The following SF3B1 variants were observed in gnomAD, a reference collection of about 807,000 sequenced individuals.
SF3B1 encodes splicing factor 3b subunit 1.
SF3B1 carries 12 observed loss-of-function variants against 153.8 expected under a neutral mutation model. That is an observed-to-expected ratio of 0.08 (90% CI 0.05 to 0.13). The LOEUF (loss-of-function observed/expected upper bound fraction) is 0.13, where lower values mean the gene tolerates loss of function less well. Ranked by LOEUF, SF3B1 falls within the 10% of genes least tolerant of loss-of-function variation. The pLI is 1.00. For synonymous variants in SF3B1, 498 were observed against 525.2 expected (o/e 0.95, Z 0.71); for missense variants, 513 against 1,606.1 (o/e 0.32, Z 11.63).
rs1178469879 is a variant in SF3B1, at chr2:197,402,537, A to G, written c.2077+19T>C. 5.0e-6 allele frequency: 8 copies of G among 1,600,500 alleles called. No individual in the cohort carries two copies. The highest frequency in any genetic ancestry group is 6.8e-6 in the Non-Finnish European group (8 of 1,173,176). On this transcript the variant is annotated intron_variant, in intron 14 of 24. Coordinates refer to ENST00000335508, the MANE Select transcript of SF3B1 (RefSeq NM_012433.4). This position sits in a 1 kb window ranked among gnomAD's most constrained non-coding sequence, Gnocchi z 4.6. ...TCCTAAAGAAAAAAAAAAAAAGACA[A>G]AGTTACATTACAACTTACCATGTTC...
At chr2:197,423,368 T>TA (rs2085279486) in intron 2 of SF3B1, among the ~76,000 whole-genome samples, 3 of 129,058 alleles carry the variant, frequency 2.3e-5, no homozygotes, top group Admixed American at 8.2e-5. Context: ...TGAGACTGTC[T>TA]CAAAAAAAAA....
At chr2:197,416,668 C>T in intron 6 of SF3B1, 73 bp downstream of exon 6, 1 of 1,331,932 alleles carries the variant, frequency 7.5e-7, no homozygotes, top group Admixed American at 2.3e-5. Context: ...CTATGGCAAC[C>T]CAAGCAGACT....
In SF3B1 at chr2:197,401,697, C is replaced by A. The variant is rs1413037025; in HGVS notation, c.2370+45G>T. Reference sequence around the variant, plus strand: ...AAAACACTTTAAAATTCTGTTAGAACCATGAAACATATCCAGTTTACATTA... The same window carrying A: ...AAAACACTTTAAAATTCTGTTAGAAACATGAAACATATCCAGTTTACATTA... On this transcript the variant is annotated intron_variant, in intron 16 of 24. Transcript: ENST00000335508. This position sits in a 1 kb window ranked among gnomAD's most constrained non-coding sequence, Gnocchi z 4.2. 6.4e-7 allele frequency: 1 copy of A among 1,569,178 alleles called. No homozygotes were observed. The highest frequency in any genetic ancestry group is 8.7e-7 in the Non-Finnish European group (1 of 1,153,118).
At chr2:197,421,162 A>T in intron 2 of SF3B1, 29 bp from the exon 3 acceptor site, 1 of 1,427,242 alleles carries the variant, frequency 7.0e-7, no homozygotes, top group Non-Finnish European at 9.8e-7. Flanking sequence ...AAAAAGCCAT[A>T]AACAAAATGT....
intron 7 of SF3B1, chr2:197,408,817 G>T: frequency 2.0e-6 from 1 of 493,762 alleles, no homozygotes; most frequent in South Asian, 2.2e-5. Context: ...CAGCTACTCA[G>T]GAGGCTGAAG....
At chr2:197,432,642 G>A (rs547562790) in intron 1 of SF3B1, among the ~76,000 whole-genome samples, 103 of 152,272 alleles carry the variant, frequency 6.8e-4, no homozygotes, top group Non-Finnish European at 1.3e-3. Flanking sequence ...GGCCAAGGTG[G>A]GAGGATCACT....
Position 197,398,597 on chromosome 2 carries a change from C to A in SF3B1, c.3014-16G>T. The A allele has an allele frequency of 6.2e-7, 1 of 1,607,202 alleles. No individual in the cohort carries two copies. Among genetic ancestry groups the A allele is most frequent in the South Asian group, 1.1e-5 (1 of 90,250 alleles). ...TTATGCATACCTATTTAATAGAAGT[C>A]AATAAACTATCAACATTTGAATTGC... On this transcript the variant is annotated splice_polypyrimidine_tract_variant and intron_variant, in intron 20 of 24. Coordinates refer to ENST00000335508, the MANE Select transcript of SF3B1 (RefSeq NM_012433.4).
chr2:197,402,418 T>C lies in SF3B1; in HGVS notation c.2077+138A>G. On this transcript the variant is annotated intron_variant, in intron 14 of 24. Coordinates refer to ENST00000335508, the MANE Select transcript of SF3B1 (RefSeq NM_012433.4). This position sits in a 1 kb window ranked among gnomAD's most constrained non-coding sequence, Gnocchi z 4.6. ...ATTAAACATGGACAGGCTGTGTGTGTACCTCTAGTCCCAACTACTAAGGAG... is the reference window on the plus strand; with the variant it reads ...ATTAAACATGGACAGGCTGTGTGTGCACCTCTAGTCCCAACTACTAAGGAG... 1 of 772,360 alleles carries C rather than the reference T, an allele frequency of 1.3e-6. No homozygotes were observed. The highest frequency in any genetic ancestry group is 2.0e-6 in the Non-Finnish European group (1 of 492,034). 47.8% of individuals were successfully genotyped at this position (772,360 alleles called of 1,614,324 possible). A position where few individuals can be genotyped will look rare whatever the true frequency, so the allele number is the denominator to read the frequency against.
At position 197,398,592 on chromosome 2, in the gene SF3B1, GA is replaced by G. The variant is rs1559264485; in HGVS notation, c.3014-12del. The G allele has an allele frequency of 6.2e-7, 1 of 1,609,336 alleles. No individual in the cohort carries two copies. On this transcript the variant is annotated splice_polypyrimidine_tract_variant and intron_variant, in intron 20 of 24. Transcript: ENST00000335508. ...TCATCTTATGCATACCTATTTAATA[GA>G]AGTCAATAAACTATCAACATTTGAA...
chr2:197,396,420 T>A (rs1467805674), intron 22 of SF3B1, 92 bp from the exon 23 acceptor site: 1 of 1,058,340 alleles, frequency 9.4e-7, no homozygotes, highest in Non-Finnish European at 1.4e-6. Context: ...CTTTTAAGTA[T>A]TAATAATTAC....
Position 197,408,659 on chromosome 2 carries a change from C to T in SF3B1, c.905-78G>A. ...TATTCTTTATTCTCAAACAGTTATA[C>T]TCAAAACTATCAAGTTCTAAAATAG... On this transcript the variant is annotated intron_variant, in intron 7 of 24. Transcript: ENST00000335508. 5 of 996,228 alleles carry T rather than the reference C, an allele frequency of 5.0e-6. No homozygotes were observed. In the South Asian group the frequency reaches 5.5e-5, roughly 11 times the overall value. 61.7% of individuals were successfully genotyped at this position (996,228 alleles called of 1,614,324 possible). A position where few individuals can be genotyped will look rare whatever the true frequency, so the allele number is the denominator to read the frequency against.
At chr2:197,419,090 T>C (rs557308362) in intron 4 of SF3B1, 26 of 620,876 alleles carry the variant, frequency 4.2e-5, no homozygotes, top group African/African-American at 1.1e-4. Flanking sequence ...TCTAAAACAA[T>C]TGTAGTTTAG....
chr2:197,431,220 C>T (rs571512443), intron 1 of SF3B1, among the ~76,000 whole-genome samples: 1 of 148,212 alleles, frequency 6.7e-6, no homozygotes, highest in South Asian at 2.1e-4. Context: ...TGGGTTCAAG[C>T]GATTCTCCTG....
chr2:197,397,387 AG>A lies in SF3B1; in HGVS notation c.3266+597del, dbSNP rs553554859. On this transcript the variant is annotated intron_variant, in intron 22 of 24. Coordinates refer to ENST00000335508, the MANE Select transcript of SF3B1 (RefSeq NM_012433.4). ...GCCTTAATAGTTTAAGCAATATCCT[AG>A]AAGACCAGCACACATTTTAAATTTT... is the stretch of plus-strand genomic sequence containing the variant. Among the ~76,000 whole-genome samples the A allele has an allele frequency of 2.3e-3, 350 of 152,308 alleles. 1 individual carries two copies. The highest frequency in any genetic ancestry group is 8.1e-3 in the African/African-American group (337 of 41,556).
rs368384174 is a variant in SF3B1, at chr2:197,408,138, T to A, written c.1118-19A>T. Reference sequence around the variant, plus strand: ...ATGTGACCTACCAAGAAAAGCAAATTTTTATATAATCTATAGTACAAGACT... The same window carrying A: ...ATGTGACCTACCAAGAAAAGCAAATATTTATATAATCTATAGTACAAGACT... On this transcript the variant is annotated intron_variant, in intron 8 of 24. Coordinates refer to ENST00000335508, the MANE Select transcript of SF3B1 (RefSeq NM_012433.4). The A allele has an allele frequency of 1.3e-4, 202 of 1,595,552 alleles. No homozygotes were observed. The highest frequency in any genetic ancestry group is 1.6e-4 in the Non-Finnish European group (192 of 1,164,360).
At chr2:197,398,244 G>C (rs1355759156) in intron 21 of SF3B1, 128 bp from the exon 22 acceptor site, 1 of 890,444 alleles carries the variant, frequency 1.1e-6, no homozygotes. Context: ...CTACTCTTCA[G>C]AAAGGCTGAA....
chr2:197,429,593 G>A (rs1559280704), intron 1 of SF3B1, among the ~76,000 whole-genome samples: 1 of 152,088 alleles, frequency 6.6e-6, no homozygotes, highest in Non-Finnish European at 1.5e-5. Context: ...AGACCAGTCT[G>A]GCCAATGTGG....
intron 1 of SF3B1, among the ~76,000 whole-genome samples, chr2:197,432,015 C>T (rs1306222243): frequency 2.0e-5 from 3 of 152,098 alleles, no homozygotes; most frequent in African/African-American, 7.2e-5. Context: ...GTTGTAGCTA[C>T]TCAGGAGGCT....
At position 197,402,764 on chromosome 2, in the gene SF3B1, A is replaced by G. The variant is rs576401830; in HGVS notation, c.1869T>C (p.Tyr623=). 6 of 1,614,124 alleles carry G rather than the reference A, an allele frequency of 3.7e-6. No homozygotes were observed. In the Admixed American group the frequency reaches 1.0e-4, roughly 27 times the overall value. Residue 623 remains tyrosine, a synonymous_variant, in exon 14 of 25, where the codon TAT becomes TAC. Transcript: ENST00000335508. This position sits in a 1 kb window ranked among gnomAD's most constrained non-coding sequence, Gnocchi z 4.6. ...MRPDIDNMDE[Y]VRNTTARAFA... ...AAGCTCTAGCTGTTGTGTTACGGAC[A>G]TACTCATCCATGTTATCTATATCAG...
Sources: gnomAD v4.1 joint callset for allele counts (sites outside exome capture counted in the v4.1 genomes callset) on GRCh38, gnomAD v4.1.1 for gene constraint, Gnocchi (gnomAD v3.1) non-coding constraint, MANE v1.5 for transcripts, NCBI Gene and HGNC (gene_info 2026-07-23, HGNC 2026-07-21) for gene names.